The following GAPVD1 variants were observed in gnomAD, a reference collection of about 807,000 sequenced individuals.
GAPVD1 encodes GTPase-activating protein and VPS9 domain-containing protein 1.
A neutral mutation model predicts 155.5 loss-of-function variants in GAPVD1; 35 were observed. That is an observed-to-expected ratio of 0.23 (90% CI 0.17 to 0.30). The LOEUF (loss-of-function observed/expected upper bound fraction) is 0.30. Among genes scored for constraint, GAPVD1 ranks in the 10% least tolerant of loss-of-function variants. The pLI, the probability that GAPVD1 is intolerant of heterozygous loss-of-function variation, is 1.00. For missense variants in GAPVD1, 1,429 were observed against 1,775.7 expected (o/e 0.80, Z 3.51); for synonymous variants, 636 against 619.7 (o/e 1.03, Z -0.39).
intron 1 of GAPVD1, among the ~76,000 whole-genome samples, chr9:125,266,188 G>A (rs1474013770): frequency 6.6e-6 from 1 of 150,720 alleles, no homozygotes; most frequent in Non-Finnish European, 1.5e-5. Context: ...GTGCAAATGC[G>A]CGATCTCGGC....
chr9:125,276,754 G>C (rs1835855760), intron 2 of GAPVD1, among the ~76,000 whole-genome samples: 1 of 152,118 alleles, frequency 6.6e-6, no homozygotes, highest in Admixed American at 6.6e-5. Context: ...ACTAAATTTA[G>C]TTGCAGGTTT....
chr9:125,353,433 G>A (rs1015034038), intron 23 of GAPVD1, among the ~76,000 whole-genome samples: 12 of 152,118 alleles, frequency 7.9e-5, no homozygotes, highest in African/African-American at 2.9e-4. Context: ...CTTCTTCTGA[G>A]CCCTCCAAAC....
chr9:125,293,658 T>A (rs1221861914), intron 2 of GAPVD1, among the ~76,000 whole-genome samples: 43 of 42,064 alleles, frequency 1.0e-3, no homozygotes, highest in African/African-American at 4.6e-3. Context: ...AATATATATA[T>A]TATATATATA....
chr9:125,315,595 G>C (rs962924042), intron 9 of GAPVD1, among the ~76,000 whole-genome samples: 1 of 152,090 alleles, frequency 6.6e-6, no homozygotes, highest in African/African-American at 2.4e-5. Context: ...GCCTGCCTCT[G>C]ATCTTTCCCA....
chr9:125,268,192 CAA>C (rs1834290527), intron 1 of GAPVD1, among the ~76,000 whole-genome samples: 3 of 106,874 alleles, frequency 2.8e-5, no homozygotes, highest in African/African-American at 1.1e-4. Flanking sequence ...AACAAACAAA[CAA>C]CCCCCCCCCC....
At chr9:125,319,601 CTT>C (rs777202943) in intron 9 of GAPVD1, among the ~76,000 whole-genome samples, 20 of 121,450 alleles carry the variant, frequency 1.6e-4, no homozygotes, top group Admixed American at 1.7e-4. Flanking sequence ...GAAAAAAAAA[CTT>C]TTTTTTTTTT....
intron 8 of GAPVD1, among the ~76,000 whole-genome samples, chr9:125,310,843 CTT>C (rs879486917): frequency 1.7e-4 from 20 of 118,892 alleles, no homozygotes; most frequent in Non-Finnish European, 2.0e-4. Context: ...CAGCCTTCTT[CTT>C]TTTTTTTTTT....
At chr9:125,356,084 G>C (rs1015206380) in intron 25 of GAPVD1, among the ~76,000 whole-genome samples, 1 of 152,170 alleles carries the variant, frequency 6.6e-6, no homozygotes, top group Non-Finnish European at 1.5e-5. Context: ...AGCCTCTTTG[G>C]AAAGCACTGC....
intron 15 of GAPVD1, among the ~76,000 whole-genome samples, chr9:125,334,785 T>TG (rs1192472313): frequency 8.2e-5 from 11 of 133,350 alleles, no homozygotes; most frequent in African/African-American, 3.2e-4. Flanking sequence ...CGCATGCCTG[T>TG]GGTCCCATCT....
chr9:125,274,206 C>CG (rs1430949278), intron 2 of GAPVD1, among the ~76,000 whole-genome samples: 1 of 151,576 alleles, frequency 6.6e-6, no homozygotes, highest in Non-Finnish European at 1.5e-5. Flanking sequence ...TTAGTAGAGA[C>CG]GGGGTTTCAC....
At chr9:125,320,331 G>A (rs1844138295) in intron 9 of GAPVD1, among the ~76,000 whole-genome samples, 1 of 152,148 alleles carries the variant, frequency 6.6e-6, no homozygotes, top group African/African-American at 2.4e-5. Context: ...AGGGAGTAGT[G>A]AGATGTAGTT....
intron 19 of GAPVD1, chr9:125,346,449 A>G (rs1848536369): frequency 3.6e-6 from 1 of 276,156 alleles, no homozygotes; most frequent in African/African-American, 2.2e-5. Flanking sequence ...AGATGTCTGA[A>G]TAAATGAAGT....
intron 20 of GAPVD1, among the ~76,000 whole-genome samples, chr9:125,347,486 G>A (rs1376060386): frequency 6.6e-6 from 1 of 152,160 alleles, no homozygotes; most frequent in African/African-American, 2.4e-5. Flanking sequence ...AGCACTTTGG[G>A]GGGCCGAGGT....
intron 2 of GAPVD1, among the ~76,000 whole-genome samples, chr9:125,274,566 C>T (rs533551222): frequency 2.1e-4 from 31 of 150,122 alleles, no homozygotes; most frequent in Admixed American, 1.7e-3. Flanking sequence ...CGGGTTCAAG[C>T]GATTCTCCTG....
chr9:125,311,583 T>G (rs1259377181), intron 8 of GAPVD1, among the ~76,000 whole-genome samples: 1 of 152,216 alleles, frequency 6.6e-6, no homozygotes, highest in East Asian at 1.9e-4. Flanking sequence ...ACTGCGCCAT[T>G]GCACTGTAGC....
chr9:125,315,050 G>A (rs1843209534), intron 9 of GAPVD1, among the ~76,000 whole-genome samples: 1 of 152,090 alleles, frequency 6.6e-6, no homozygotes, highest in South Asian at 2.1e-4. Flanking sequence ...GCCTCCCAAA[G>A]TGCTGGGATT....
intron 23 of GAPVD1, 120 bp from the exon 24 acceptor site, chr9:125,354,534 T>C (rs1291843777): frequency 1.9e-5 from 12 of 642,488 alleles, no homozygotes; most frequent in Non-Finnish European, 3.0e-5. Flanking sequence ...AGCACAGACA[T>C]GCTACTTTGT....
rs1851464158 is a variant in GAPVD1 at position 125,366,248 on chromosome 9, G to A, written c.*3502G>A. ...ATCTCAGCCCCAATACGGGGGCTGT[G>A]TTCTTGCCGTAAGAATCTGTAGCTG... On this transcript the variant is annotated 3_prime_UTR_variant, in exon 28 of 28. Coordinates refer to ENST00000297933, the MANE Select transcript of GAPVD1 (RefSeq NM_001282680.3). 1.3e-5 allele frequency: 2 copies of A among 152,212 alleles called. No individual in the cohort carries two copies. The highest frequency in any genetic ancestry group is 6.5e-5 in the Admixed American group (1 of 15,276). 9.4% of individuals were successfully genotyped at this position (152,212 alleles called of 1,614,324 possible).
At chr9:125,293,886 A>ATTT (rs1479202971) in intron 2 of GAPVD1, among the ~76,000 whole-genome samples, 6 of 98,288 alleles carry the variant, frequency 6.1e-5, no homozygotes, top group African/African-American at 1.9e-4. Flanking sequence ...ATATATATAT[A>ATTT]TATATATATA....
Sources: allele counts gnomAD v4.1 joint callset (sites outside exome capture counted in the v4.1 genomes callset), GRCh38; gene constraint gnomAD v4.1.1; transcripts MANE v1.5; gene names NCBI Gene and HGNC (gene_info 2026-07-23, HGNC 2026-07-21).